Variants in PCDHB10 observed in about 807,000 individuals in gnomAD.
The protein encoded by PCDHB10 is protocadherin beta 10, also known as protocadherin beta-10.
For missense variants in PCDHB10, 1,046 were observed against 1,004.7 expected, an observed-to-expected ratio of 1.04 and a Z score of -0.56; for synonymous variants, 448 against 449.2, an observed-to-expected ratio of 1.00 and a Z score of 0.04.
At position 141,194,038 on chromosome 5, in the gene PCDHB10, C is replaced by T. The variant is rs1753983029; in HGVS notation, c.1486C>T (p.Pro496Ser). Reference protein sequence around the residue: ...VTYSLLPPQDPHLPLASLVSI... With the variant: ...VTYSLLPPQDSHLPLASLVSI... ...CTACTCGCTGCTGCCGCCCCAAGAC[C>T]CGCACCTGCCCCTCGCCTCCCTGGT... The change falls in exon 1 of 1, where the codon CCG becomes TCG. Residue 496 changes from proline (P) to serine (S), a missense_variant. Transcript: ENST00000239446. 8.1e-6 allele frequency: 13 copies of T among 1,608,462 alleles called. No homozygotes were observed. Among genetic ancestry groups the T allele is most frequent in the African/African-American group, 1.3e-5 (1 of 74,800 alleles).
rs782462390 is a variant in PCDHB10 at position 141,193,373 on chromosome 5, A to G, written c.821A>G (p.Asn274Ser). The G allele has an allele frequency of 2.2e-5, 36 of 1,614,122 alleles. 1 individual carries two copies. The South Asian group carries it at 3.5e-4, about 16-fold the overall frequency. ...VWAEDVDSGV[N>S]AEVSYSFFDA... The stretch of plus-strand genomic sequence containing the variant: ...GCAGAAGATGTAGACTCTGGAGTCA[A>G]CGCGGAAGTATCCTATTCATTTTTT... Residue 274 changes from asparagine to serine, a missense_variant, in exon 1 of 1, where the codon AAC becomes AGC. Transcript: ENST00000239446.
chr5:141,193,656 TA>T lies in PCDHB10; in HGVS notation c.1106del (p.Lys369ArgfsTer25). 1 of 1,614,170 alleles carries T rather than the reference TA, an allele frequency of 6.2e-7. No homozygotes were observed. The highest frequency in any genetic ancestry group is 8.5e-7 in the Non-Finnish European group (1 of 1,180,046). ...CTCCTGAGACGCCGCTGGCTGTTTT[TA>T]AGATTAATGACAGAGACTCTGGAGA... is the stretch of plus-strand genomic sequence containing the variant. ...NSPETPLAVF[K>X]INDRDSGENG... On this transcript the variant is annotated frameshift_variant, in exon 1 of 1. Transcript: ENST00000239446. LOFTEE classifies it low-confidence loss of function (END_TRUNC).
chr5:141,192,597 G>C lies in PCDHB10; in HGVS notation c.45G>C (p.Leu15=). The change falls in exon 1 of 1, where the codon CTG becomes CTC. Residue 15 remains leucine, a synonymous_variant. Transcript: ENST00000239446. Reference sequence around the variant, plus strand: ...GCTTCCCAAGACAAAGGCAAGTCCTGTTTCTTTTTCTTTTTTGGGGAGTGT... The same window carrying C: ...GCTTCCCAAGACAAAGGCAAGTCCTCTTTCTTTTTCTTTTTTGGGGAGTGT... The part of the protein sequence containing the change: ...ELCFPRQRQV[L]FLFLFWGVSL... The C allele has an allele frequency of 6.2e-7, 1 of 1,614,140 alleles. No individual in the cohort carries two copies. The highest frequency in any genetic ancestry group is 8.5e-7 in the Non-Finnish European group (1 of 1,180,036).
chr5:141,193,745 A>C lies in PCDHB10; in HGVS notation c.1193A>C (p.Glu398Ala). The change falls in exon 1 of 1, where the codon GAG becomes GCG. Residue 398 changes from glutamate (E) to alanine (A), a missense_variant. Glu to Ala is a moderately radical substitution (Grantham distance 107). Transcript: ENST00000239446. Reference sequence around the variant, plus strand: ...CCATTCCTACTAAAACCTTCTGTGGAGAATTTTTACATCCTAATTACAGAA... The same window carrying C: ...CCATTCCTACTAAAACCTTCTGTGGCGAATTTTTACATCCTAATTACAGAA... ...NLPFLLKPSV[E>A]NFYILITEGA... is the part of the protein sequence containing the mutation. The C allele has an allele frequency of 2.5e-6, 4 of 1,614,222 alleles. No homozygotes were observed. The highest frequency in any genetic ancestry group is 3.4e-6 in the Non-Finnish European group (4 of 1,180,050).
In PCDHB10 at chr5:141,193,260, T is replaced by A; in HGVS notation, c.708T>A (p.Asn236Lys). 6.2e-7 allele frequency: 1 copy of A among 1,614,098 alleles called. No individual in the cohort carries two copies. Among genetic ancestry groups the A allele is most frequent in the Non-Finnish European group, 8.5e-7 (1 of 1,180,034 alleles). Residue 236 changes from asparagine to lysine, a missense_variant, in exon 1 of 1, where the codon AAT (asparagine) becomes AAA (lysine). Asn to Lys is a moderately conservative substitution (Grantham distance 94). Coordinates refer to ENST00000239446, the MANE Select transcript of PCDHB10 (RefSeq NM_018930.4). The part of the protein sequence containing the change: ...STVRIVVLDV[N>K]DNAPQFAQAL... ...TACGCATCGTTGTCTTGGACGTCAA[T>A]GACAATGCCCCACAGTTTGCCCAGG...
In PCDHB10 at chr5:141,194,134, G is replaced by C. The variant is rs17844576; in HGVS notation, c.1582G>C (p.Glu528Gln). 2.1e-5 allele frequency: 33 copies of C among 1,605,242 alleles called. No homozygotes were observed. Among genetic ancestry groups the C allele is most frequent in the Non-Finnish European group, 2.8e-5 (33 of 1,177,010 alleles). ...SLDYEALQAFEFRVGATDRGS... is the reference protein window; with the variant it reads ...SLDYEALQAFQFRVGATDRGS... ...GGACTACGAGGCCCTGCAGGCTTTC[G>C]AGTTCCGCGTGGGCGCCACAGACCG... The change falls in exon 1 of 1, where the codon GAG becomes CAG. Residue 528 changes from glutamate to glutamine, a missense_variant. Transcript: ENST00000239446.
rs782290769 is a variant in PCDHB10, at chr5:141,193,930, G to C, written c.1378G>C (p.Val460Leu). The C allele has an allele frequency of 7.9e-5, 128 of 1,612,482 alleles. No individual in the cohort carries two copies. The highest frequency in any genetic ancestry group is 1.0e-4 in the Non-Finnish European group (118 of 1,179,924). ...CACCCAAACCTCCTACACCCTGTTC[G>C]TCCGCGAGAACAACAGCCCCGCCCT... ...AFTQTSYTLF[V>L]RENNSPALHI... is the part of the protein sequence containing the mutation. The change falls in exon 1 of 1, where the codon GTC (valine) becomes CTC (leucine). Residue 460 changes from valine (V) to leucine (L), a missense_variant. Coordinates refer to ENST00000239446, the MANE Select transcript of PCDHB10 (RefSeq NM_018930.4).
chr5:141,193,099 A>T lies in PCDHB10; in HGVS notation c.547A>T (p.Ser183Cys). ...CAACTCTTTTTTCCATATTAACATT[A>T]GTGGCGGTGATGAAGGCATGATATA... The part of the protein sequence containing the change: ...SPNSFFHINI[S>C]GGDEGMIYPE... The change falls in exon 1 of 1, where the codon AGT becomes TGT. Residue 183 changes from serine (S) to cysteine (C), a missense_variant. By Grantham distance (112) the Ser-to-Cys change is moderately radical (BLOSUM62 -1). Coordinates refer to ENST00000239446, the MANE Select transcript of PCDHB10 (RefSeq NM_018930.4). 6.2e-7 allele frequency: 1 copy of T among 1,614,168 alleles called. No individual in the cohort carries two copies. The highest frequency in any genetic ancestry group is 8.5e-7 in the Non-Finnish European group (1 of 1,180,036).
chr5:141,194,643 C>T lies in PCDHB10; in HGVS notation c.2091C>T (p.Ala697=), dbSNP rs781969386. The T allele has an allele frequency of 1.2e-5, 19 of 1,601,666 alleles. No individual in the cohort carries two copies. The highest frequency in any genetic ancestry group is 1.6e-5 in the Non-Finnish European group (19 of 1,178,996). Residue 697 remains alanine, a synonymous_variant, in exon 1 of 1, where the codon GCC becomes GCT. Coordinates refer to ENST00000239446, the MANE Select transcript of PCDHB10 (RefSeq NM_018930.4). ...CCGTCTACCTGGTGGTGGCGTTGGC[C>T]TCGGTGTCTTCGCTCTTCCTCCTCT... The part of the protein sequence containing the change: ...LLTVYLVVAL[A]SVSSLFLLSV...
In PCDHB10 at chr5:141,193,851, C is replaced by G; in HGVS notation, c.1299C>G (p.Thr433=). The change falls in exon 1 of 1, where the codon ACC becomes ACG. Residue 433 remains threonine, a synonymous_variant. Transcript: ENST00000239446. ...VTDLGTPRLK[T]EHNITVLVSD... is the part of the protein sequence containing the mutation. ...ACTTGGGGACACCCAGGCTGAAAAC[C>G]GAGCACAACATAACGGTCCTGGTCT... is the stretch of plus-strand genomic sequence containing the variant. 2 of 1,614,104 alleles carry G rather than the reference C, an allele frequency of 1.2e-6. No individual in the cohort carries two copies. Among genetic ancestry groups the G allele is most frequent in the Non-Finnish European group, 1.7e-6 (2 of 1,180,026 alleles).
chr5:141,194,402 T>G lies in PCDHB10; in HGVS notation c.1850T>G (p.Val617Gly), dbSNP rs1387552435. ...GCCACGGAGCCCGGGCTGTTCGGTGTGTGGGCGCACAATGGGGAGGTGCGC... is the reference window on the plus strand; with the variant it reads ...GCCACGGAGCCCGGGCTGTTCGGTGGGTGGGCGCACAATGGGGAGGTGCGC... Reference protein sequence around the residue: ...LKATEPGLFGVWAHNGEVRTA... With the variant: ...LKATEPGLFGGWAHNGEVRTA... Residue 617 changes from valine to glycine, a missense_variant, in exon 1 of 1, where the codon GTG (valine) becomes GGG (glycine). Physicochemically the swap from Val to Gly is moderately radical, Grantham distance 109. Coordinates refer to ENST00000239446, the MANE Select transcript of PCDHB10 (RefSeq NM_018930.4). 7 of 1,602,978 alleles carry G rather than the reference T, an allele frequency of 4.4e-6. No homozygotes were observed. Among genetic ancestry groups the G allele is most frequent in the Non-Finnish European group, 5.9e-6 (7 of 1,179,412 alleles).
Position 141,192,382 on chromosome 5 carries a change from G to A in PCDHB10, c.-171G>A. On this transcript the variant is annotated 5_prime_UTR_variant, in exon 1 of 1. Transcript: ENST00000239446. ...GCTATGCAAGTCACTAATAAAGGAA[G>A]ACACGGACAGATGAACTTAAAAGAG... The A allele has an allele frequency of 1.3e-6, 1 of 796,418 alleles. No individual in the cohort carries two copies. The highest frequency in any genetic ancestry group is 2.0e-6 in the Non-Finnish European group (1 of 502,616). The allele number at this position is 796,418 out of a possible 1,614,324, so 49.3% of individuals were successfully genotyped here. A position where few individuals can be genotyped will look rare whatever the true frequency, so the allele number is the denominator to read the frequency against.
At position 141,194,128 on chromosome 5, in the gene PCDHB10, G is replaced by T. The variant is rs140539952; in HGVS notation, c.1576G>T (p.Ala526Ser). 5.7e-4 allele frequency: 923 copies of T among 1,605,588 alleles called. 1 individual carries two copies. Among genetic ancestry groups the T allele is most frequent in the Non-Finnish European group, 7.1e-4 (841 of 1,177,012 alleles). ...GTCGCTGGACTACGAGGCCCTGCAG[G>T]CTTTCGAGTTCCGCGTGGGCGCCAC... is the stretch of plus-strand genomic sequence containing the variant. ...LRSLDYEALQAFEFRVGATDR... is the reference protein window; with the variant it reads ...LRSLDYEALQSFEFRVGATDR... The change falls in exon 1 of 1, where the codon GCT becomes TCT. Residue 526 changes from alanine to serine, a missense_variant. Transcript: ENST00000239446.
rs373112771 is a variant in PCDHB10, at chr5:141,193,164, G to C, written c.612G>C (p.Glu204Asp). The C allele has an allele frequency of 4.3e-6, 7 of 1,614,016 alleles. No homozygotes were observed. The highest frequency in any genetic ancestry group is 1.3e-5 in the African/African-American group (1 of 74,906). ...TGGACAAAGCACTGGATCGGGAGGA[G>C]CAGGGAGAGCTCAGCTTAACCCTCA... ...LVLDKALDRE[E>D]QGELSLTLTA... The change falls in exon 1 of 1, where the codon GAG (glutamate) becomes GAC (aspartate). Residue 204 changes from glutamate to aspartate, a missense_variant. Coordinates refer to ENST00000239446, the MANE Select transcript of PCDHB10 (RefSeq NM_018930.4).
Position 141,192,916 on chromosome 5 carries a change from A to G in PCDHB10, c.364A>G (p.Arg122Gly). The G allele has an allele frequency of 6.2e-7, 1 of 1,614,076 alleles. No individual in the cohort carries two copies. Among genetic ancestry groups the G allele is most frequent in the Non-Finnish European group, 8.5e-7 (1 of 1,180,024 alleles). ...DPFQIYRAEL[R>G]VRDINDHAPV... ...CTTTCAGATTTACCGGGCTGAGCTG[A>G]GAGTCAGGGATATAAATGATCACGC... Residue 122 changes from arginine (R) to glycine (G), a missense_variant, in exon 1 of 1, where the codon AGA (arginine) becomes GGA (glycine). Physicochemically the swap from Arg to Gly is moderately radical, Grantham distance 125. Transcript: ENST00000239446.
chr5:141,193,851 C>A lies in PCDHB10; in HGVS notation c.1299C>A (p.Thr433=), dbSNP rs1335486583. 30 of 1,613,982 alleles carry A rather than the reference C, an allele frequency of 1.9e-5. No homozygotes were observed. The highest frequency in any genetic ancestry group is 2.5e-5 in the Non-Finnish European group (30 of 1,180,032). The part of the protein sequence containing the change: ...VTDLGTPRLK[T]EHNITVLVSD... ...ACTTGGGGACACCCAGGCTGAAAAC[C>A]GAGCACAACATAACGGTCCTGGTCT... The change falls in exon 1 of 1, where the codon ACC becomes ACA. Residue 433 remains threonine (T), a synonymous_variant. Transcript: ENST00000239446.
rs1554284447 is a variant in PCDHB10, at chr5:141,194,593, G to A, written c.2041G>A (p.Ala681Thr). The change falls in exon 1 of 1, where the codon GCC (alanine) becomes ACC (threonine). Residue 681 changes from alanine to threonine, a missense_variant. By Grantham distance (58) the Ala-to-Thr change is moderately conservative. Coordinates refer to ENST00000239446, the MANE Select transcript of PCDHB10 (RefSeq NM_018930.4). ...TCTCCCGGAGGCGGCCCCGGCCCAG[G>A]CCCAGGCCGAGGCCGACTTGCTCAC... ...LPLPEAAPAQ[A>T]QAEADLLTVY... 2 of 1,556,366 alleles carry A rather than the reference G, an allele frequency of 1.3e-6. No individual in the cohort carries two copies. Among genetic ancestry groups the A allele is most frequent in the African/African-American group, 1.5e-5 (1 of 64,710 alleles).
chr5:141,193,110 T>G lies in PCDHB10; in HGVS notation c.558T>G (p.Asp186Glu), dbSNP rs1554283970. The change falls in exon 1 of 1, where the codon GAT becomes GAG. Residue 186 changes from aspartate to glutamate, a missense_variant. By Grantham distance (45) the Asp-to-Glu change is conservative (BLOSUM62 2). Transcript: ENST00000239446. The stretch of plus-strand genomic sequence containing the variant: ...TCCATATTAACATTAGTGGCGGTGA[T>G]GAAGGCATGATATATCCAGAGCTAG... ...SFFHINISGG[D>E]EGMIYPELVL... 1 of 1,614,158 alleles carries G rather than the reference T, an allele frequency of 6.2e-7. No individual in the cohort carries two copies. Among genetic ancestry groups the G allele is most frequent in the Non-Finnish European group, 8.5e-7 (1 of 1,180,044 alleles).
chr5:141,192,525 C>G lies in PCDHB10; in HGVS notation c.-28C>G. ...TTATGCTGGGAGCTGTGGCTGTAAC[C>G]AACTAGGAAATAACGTATGCAGCAG... On this transcript the variant is annotated 5_prime_UTR_variant, in exon 1 of 1. Transcript: ENST00000239446. The G allele has an allele frequency of 6.2e-7, 1 of 1,603,180 alleles. No homozygotes were observed. The highest frequency in any genetic ancestry group is 8.5e-7 in the Non-Finnish European group (1 of 1,174,822).
Sources: allele counts gnomAD v4.1 joint callset, GRCh38; gene constraint gnomAD v4.1.1; transcripts MANE v1.5; gene names NCBI Gene and HGNC (gene_info 2026-07-23, HGNC 2026-07-21).